TFPI: variants seen among roughly 807,000 people sequenced by gnomAD.
TFPI encodes tissue factor pathway inhibitor.
A neutral mutation model predicts 34.6 loss-of-function variants in TFPI; 15 were observed. The ratio of observed to expected loss-of-function variants is 0.43; its 90% CI spans 0.29 to 0.67. The LOEUF is 0.67. TFPI is among the 30% of genes least tolerant of loss of function. The pLI, the probability that TFPI is intolerant of heterozygous loss-of-function variation, is 0.15. For missense variants in TFPI, 301 were observed against 364.0 expected (o/e 0.83, Z 1.41); for synonymous variants, 105 against 120.1 (o/e 0.87, Z 0.82).
intron 6 of TFPI, among the ~76,000 whole-genome samples, chr2:187,483,375 T>C (rs1441322264): frequency 6.6e-6 from 1 of 152,010 alleles, no homozygotes; most frequent in African/African-American, 2.4e-5. Context: ...TCACATGGAC[T>C]ACTTCTAAAC....
intron 3 of TFPI, among the ~76,000 whole-genome samples, chr2:187,490,243 T>C (rs1201887523): frequency 1.3e-5 from 2 of 151,658 alleles, no homozygotes; most frequent in Non-Finnish European, 3.0e-5. Context: ...TAAATACCAA[T>C]TGTGTGAAGT....
At position 187,506,418 on chromosome 2, in the gene TFPI, CAT is replaced by C. The variant is rs58878568; in HGVS notation, c.-2-2650_-2-2649del. On this transcript the variant is annotated intron_variant, in intron 1 of 7. Coordinates refer to ENST00000233156, the MANE Select transcript of TFPI (RefSeq NM_006287.6). The stretch of plus-strand genomic sequence containing the variant: ...ACCTCACACCCAGTTTCCCTATTAA[CAT>C]GTTACGTTAGTATGGTGCACTTATC... 7.7e-3 allele frequency among the ~76,000 whole-genome samples: 1,176 copies of C among 152,190 alleles called. 25 individuals are homozygous for C. The highest frequency in any genetic ancestry group is 0.026 in the African/African-American group (1,095 of 41,538).
chr2:187,485,091 C>A, intron 4 of TFPI, 104 bp from the exon 5 acceptor site: 1 of 854,070 alleles, frequency 1.2e-6, no homozygotes, highest in East Asian at 3.3e-5. Flanking sequence ...AAGGAGTAAG[C>A]ATAAAAATTA....
At chr2:187,478,491 G>C in intron 6 of TFPI, 2 of 841,124 alleles carry the variant, frequency 2.4e-6, no homozygotes, top group Non-Finnish European at 3.3e-6. Context: ...CCGGTCAAAA[G>C]ACTCACAACT....
chr2:187,472,630 G>A (rs1692112098), intron 6 of TFPI, among the ~76,000 whole-genome samples: 1 of 152,138 alleles, frequency 6.6e-6, no homozygotes, highest in Non-Finnish European at 1.5e-5. Context: ...CTTATAGCTT[G>A]CCAAATGTTA....
intron 3 of TFPI, among the ~76,000 whole-genome samples, 193 bp downstream of exon 3, chr2:187,496,688 A>G (rs886691766): frequency 1.3e-5 from 2 of 152,072 alleles, no homozygotes; most frequent in East Asian, 1.9e-4. Context: ...TGGGTATTTC[A>G]TGGTACAATT....
chr2:187,478,136 C>G (rs912724264), intron 6 of TFPI, among the ~76,000 whole-genome samples: 6 of 152,066 alleles, frequency 3.9e-5, no homozygotes, highest in Non-Finnish European at 8.8e-5. Context: ...CCTGTAATCC[C>G]AGCACTTTGG....
chr2:187,553,872 C>T (rs1305835475), intron 1 of TFPI, among the ~76,000 whole-genome samples: 1 of 151,792 alleles, frequency 6.6e-6, no homozygotes, highest in Non-Finnish European at 1.5e-5. Flanking sequence ...TCCAATTAAC[C>T]AAGCACAATT....
intron 1 of TFPI, among the ~76,000 whole-genome samples, chr2:187,541,518 T>G (rs886621811): frequency 4.6e-5 from 7 of 152,120 alleles, no homozygotes; most frequent in African/African-American, 1.2e-4. Flanking sequence ...AGTGGAACTA[T>G]GAAATAAAAA....
At chr2:187,519,567 A>G (rs952227286) in intron 1 of TFPI, 5 of 152,382 alleles carry the variant, frequency 3.3e-5, no homozygotes, top group African/African-American at 7.2e-5. Flanking sequence ...ATTGTCCTGT[A>G]TGAGGTGTCC....
In TFPI at chr2:187,466,939, C is replaced by A; in HGVS notation, c.912G>T (p.Met304Ile). 6.7e-7 allele frequency: 1 copy of A among 1,496,262 alleles called. No homozygotes were observed. Among genetic ancestry groups the A allele is most frequent in the Non-Finnish European group, 9.2e-7 (1 of 1,086,346 alleles). The allele number at this position is 1,496,262 out of a possible 1,614,324, so 92.7% of individuals were successfully genotyped here. ...ATGTTACATTGCTATAACAAATTCA[C>A]ATATTTTTAACAAAAATTTCTTCAT... ...IAYEEIFVKN[M>I] The change falls in exon 8 of 8, where the codon ATG (methionine) becomes ATT (isoleucine). Residue 304 changes from methionine (M) to isoleucine (I), a missense_variant. Met to Ile is a conservative substitution (Grantham distance 10). Coordinates refer to ENST00000233156, the MANE Select transcript of TFPI (RefSeq NM_006287.6).
Position 187,466,894 on chromosome 2 carries a change from T to G in TFPI, c.*42A>C. On this transcript the variant is annotated 3_prime_UTR_variant, in exon 8 of 8. Coordinates refer to ENST00000233156, the MANE Select transcript of TFPI (RefSeq NM_006287.6). ...GAAAATCATAGTGAAACATTTCATA[T>G]AAAATATTTAGTAGAATTAATGTTA... 9.2e-7 allele frequency: 1 copy of G among 1,091,722 alleles called. No homozygotes were observed. The highest frequency in any genetic ancestry group is 1.3e-6 in the Non-Finnish European group (1 of 759,756). 67.6% of individuals were successfully genotyped at this position (1,091,722 alleles called of 1,614,324 possible). A position where few individuals can be genotyped will look rare whatever the true frequency, so the allele number is the denominator to read the frequency against.
chr2:187,504,394 CTT>C (rs1256388187), intron 1 of TFPI, among the ~76,000 whole-genome samples: 1 of 151,998 alleles, frequency 6.6e-6, no homozygotes, highest in Non-Finnish European at 1.5e-5. Flanking sequence ...AGTTAGTCCT[CTT>C]TCCCAGTTCA....
intron 1 of TFPI, among the ~76,000 whole-genome samples, chr2:187,549,380 T>G (rs1689013748): frequency 2.6e-5 from 4 of 152,190 alleles, no homozygotes; most frequent in African/African-American, 9.6e-5. Context: ...AGGAAACTAT[T>G]AGGAAAAGCA....
At chr2:187,470,370 A>G (rs1188146671) in intron 6 of TFPI, among the ~76,000 whole-genome samples, 1 of 152,146 alleles carries the variant, frequency 6.6e-6, no homozygotes, top group Non-Finnish European at 1.5e-5. Context: ...CCCACATACA[A>G]CCTATAGTAA....
chr2:187,546,282 GTT>G (rs34692721), intron 1 of TFPI, among the ~76,000 whole-genome samples: 7,058 of 135,098 alleles, frequency 0.052, 497 homozygotes, highest in African/African-American at 0.17. Flanking sequence ...AAATTTGTAA[GTT>G]TTTTTTTTTT....
intron 3 of TFPI, among the ~76,000 whole-genome samples, chr2:187,492,751 C>T (rs1300574432): frequency 6.6e-6 from 1 of 151,992 alleles, no homozygotes; most frequent in Admixed American, 6.6e-5. Flanking sequence ...TTTGGAACAG[C>T]TGTATTTACC....
At chr2:187,525,560 TC>T (rs1358422687) in intron 1 of TFPI, among the ~76,000 whole-genome samples, 1 of 152,050 alleles carries the variant, frequency 6.6e-6, no homozygotes, top group Non-Finnish European at 1.5e-5. Context: ...CTGAATTGTG[TC>T]CCCTTTCAAA....
rs540352203 is a variant in TFPI, at chr2:187,475,405, CTT to C, written c.629-7475_629-7474del. 3.3e-5 allele frequency among the ~76,000 whole-genome samples: 5 copies of C among 152,204 alleles called. No homozygotes were observed. In the South Asian group the frequency reaches 8.3e-4, roughly 25 times the overall value. On this transcript the variant is annotated intron_variant, in intron 6 of 7. Coordinates refer to ENST00000233156, the MANE Select transcript of TFPI (RefSeq NM_006287.6). ...AGATATGTCAGATCAAGGTTACAGACTTTAGCTTCATTAAAAATGATCAATAA... is the reference window on the plus strand; with the variant it reads ...AGATATGTCAGATCAAGGTTACAGACTAGCTTCATTAAAAATGATCAATAA...
Sources: allele counts gnomAD v4.1 joint callset (sites outside exome capture counted in the v4.1 genomes callset), GRCh38; gene constraint gnomAD v4.1.1; transcripts MANE v1.5; gene names NCBI Gene and HGNC (gene_info 2026-07-23, HGNC 2026-07-21).